Variants in RAPGEF5 observed in about 807,000 individuals in gnomAD.
RAPGEF5 encodes Rap guanine nucleotide exchange factor 5, also known as M-Ras-regulated GEF.
Under a neutral mutation model 125.2 loss-of-function variants are expected in RAPGEF5, and 65 were observed. The ratio of observed to expected loss-of-function variants is 0.52; its 90% CI spans 0.43 to 0.64. The LOEUF (loss-of-function observed/expected upper bound fraction) is 0.64, where lower values mean the gene tolerates loss of function less well. Among genes scored for constraint, RAPGEF5 ranks in the 30% least tolerant of loss-of-function variants. RAPGEF5 has a pLI of 0.00. For synonymous variants in RAPGEF5, 391 were observed against 385.9 expected, an observed-to-expected ratio of 1.01 and a Z score of -0.16; for missense variants, 958 against 1,048.1, an observed-to-expected ratio of 0.91 and a Z score of 1.19.
intron 22 of RAPGEF5, 65 bp from the exon 23 acceptor site, chr7:22,136,190 C>A: frequency 2.5e-6 from 3 of 1,212,036 alleles, no homozygotes; most frequent in South Asian, 2.7e-5. Context: ...AATTCTAAAT[C>A]CACCTTTGCT....
chr7:22,143,709 G>A (rs375582137), intron 20 of RAPGEF5, among the ~76,000 whole-genome samples: 3 of 152,114 alleles, frequency 2.0e-5, no homozygotes, highest in African/African-American at 7.2e-5. Context: ...CTTCACCAAC[G>A]TTTTCCTGAT....
At chr7:22,230,342 G>A (rs183714067) in intron 8 of RAPGEF5, among the ~76,000 whole-genome samples, 152 of 152,322 alleles carry the variant, frequency 1.0e-3, no homozygotes, top group Non-Finnish European at 1.7e-3. Context: ...CCTTAAAGGC[G>A]AAGTGAGATG....
chr7:22,168,001 A>G (rs1784225506), intron 11 of RAPGEF5, among the ~76,000 whole-genome samples: 2 of 152,184 alleles, frequency 1.3e-5, no homozygotes. Context: ...CTTAAAATTC[A>G]TTTTACAATA....
chr7:22,349,908 T>C (rs1784297350), intron 1 of RAPGEF5, among the ~76,000 whole-genome samples: 1 of 152,200 alleles, frequency 6.6e-6, no homozygotes, highest in South Asian at 2.1e-4. Context: ...ACCTCTTCCC[T>C]TCAGGGGACT....
chr7:22,263,248 C>T (rs1004205163), intron 7 of RAPGEF5, among the ~76,000 whole-genome samples: 7 of 152,114 alleles, frequency 4.6e-5, no homozygotes, highest in Non-Finnish European at 5.9e-5. Context: ...GGTTGTGATA[C>T]CATACTGTAG....
intron 1 of RAPGEF5, among the ~76,000 whole-genome samples, chr7:22,352,019 G>A (rs1393521547): frequency 6.6e-6 from 1 of 152,194 alleles, no homozygotes; most frequent in Non-Finnish European, 1.5e-5. Context: ...GTGAAGGGTG[G>A]TTAAAGAGAA....
intron 7 of RAPGEF5, among the ~76,000 whole-genome samples, chr7:22,263,428 A>G (rs183438348): frequency 1.4e-3 from 216 of 152,328 alleles, no homozygotes; most frequent in African/African-American, 4.5e-3. Context: ...ATATCTGCAT[A>G]TTAATTTTAA....
At chr7:22,163,747 T>C (rs1159407403) in intron 12 of RAPGEF5, among the ~76,000 whole-genome samples, 2 of 152,308 alleles carry the variant, frequency 1.3e-5, no homozygotes, top group Non-Finnish European at 2.9e-5. Context: ...GCTGAGTGTC[T>C]TGGACACATT....
At chr7:22,168,609 C>A (rs1431277162) in intron 11 of RAPGEF5, among the ~76,000 whole-genome samples, 1 of 152,124 alleles carries the variant, frequency 6.6e-6, no homozygotes, top group African/African-American at 2.4e-5. Context: ...AGAAAATCTC[C>A]AGAATTTTTA....
At chr7:22,181,740 T>C (rs1416308794) in intron 11 of RAPGEF5, among the ~76,000 whole-genome samples, 3 of 152,062 alleles carry the variant, frequency 2.0e-5, no homozygotes, top group African/African-American at 4.8e-5. Flanking sequence ...CAGCCTTAAG[T>C]ACAAGGCAAA....
intron 22 of RAPGEF5, 109 bp from the exon 23 acceptor site, chr7:22,136,234 T>G (rs948978246): frequency 1.3e-6 from 1 of 755,732 alleles, no homozygotes; most frequent in Non-Finnish European, 2.1e-6. Flanking sequence ...TATAGAGAGA[T>G]TCCTCCTAAG....
intron 11 of RAPGEF5, among the ~76,000 whole-genome samples, chr7:22,187,218 A>C (rs1784852125): frequency 6.6e-6 from 1 of 152,170 alleles, no homozygotes; most frequent in Non-Finnish European, 1.5e-5. Flanking sequence ...TCTCCCTCCC[A>C]CCTAAAATTC....
intron 9 of RAPGEF5, among the ~76,000 whole-genome samples, chr7:22,206,592 A>G (rs1223241615): frequency 6.6e-6 from 1 of 150,412 alleles, no homozygotes; most frequent in Non-Finnish European, 1.5e-5. Context: ...AGTCTCAGCT[A>G]CTCTGGAGGC....
intron 1 of RAPGEF5, among the ~76,000 whole-genome samples, chr7:22,349,452 T>C (rs1308332293): frequency 1.3e-5 from 2 of 148,272 alleles, no homozygotes; most frequent in African/African-American, 4.9e-5. Context: ...AGGGTGACTA[T>C]AATTTAACAT....
In RAPGEF5 at chr7:22,155,607, A is replaced by ATATG. The variant is rs1166322547; in HGVS notation, c.1637-1007_1637-1004dup. 9.2e-5 allele frequency among the ~76,000 whole-genome samples: 14 copies of ATATG among 152,366 alleles called. No individual in the cohort carries two copies. In the South Asian group the frequency reaches 2.3e-3, roughly 25 times the overall value. On this transcript the variant is annotated intron_variant, in intron 16 of 25. Transcript: ENST00000665637. The stretch of plus-strand genomic sequence containing the variant: ...GAAGCAAAAGTCTAACTATGAGTTT[A>ATATG]TATGTATAGAACCTCAAAGTAAACA...
chr7:22,135,317 T>C (rs776017410), intron 23 of RAPGEF5, among the ~76,000 whole-genome samples: 5 of 152,146 alleles, frequency 3.3e-5, no homozygotes, highest in Non-Finnish European at 7.4e-5. Context: ...AAACCCCCTT[T>C]CCCTGGAAGC....
intron 9 of RAPGEF5, among the ~76,000 whole-genome samples, chr7:22,206,025 T>A (rs1223718203): frequency 1.3e-5 from 2 of 152,172 alleles, no homozygotes; most frequent in Non-Finnish European, 2.9e-5. Flanking sequence ...TCCTGAGTAA[T>A]CAATTGGTAT....
chr7:22,320,572 A>AC (rs1260388656), intron 1 of RAPGEF5, among the ~76,000 whole-genome samples: 1 of 151,766 alleles, frequency 6.6e-6, no homozygotes, highest in African/African-American at 2.4e-5. Context: ...TTGAAAATGC[A>AC]CCCCCCTCTT....
chr7:22,136,150 G>A (rs1031880892), intron 22 of RAPGEF5, 25 bp from the exon 23 acceptor site: 1 of 1,538,048 alleles, frequency 6.5e-7, no homozygotes, highest in Non-Finnish European at 8.9e-7. Flanking sequence ...AGATTACAAA[G>A]AGAAAGAAAA....
Sources: allele counts gnomAD v4.1 joint callset (sites outside exome capture counted in the v4.1 genomes callset), GRCh38; gene constraint gnomAD v4.1.1; transcripts MANE v1.5; gene names NCBI Gene and HGNC (gene_info 2026-07-23, HGNC 2026-07-21).